AK8: variants seen among roughly 807,000 people sequenced by gnomAD.
AK8 encodes the protein adenylate kinase 8.
Under a neutral mutation model 54.6 loss-of-function variants are expected in AK8, and 44 were observed. The observed-to-expected ratio is 0.81, with a 90% CI of 0.63 to 1.04. The LOEUF (loss-of-function observed/expected upper bound fraction) is 1.04, where lower values mean the gene tolerates loss of function less well. Among genes scored for constraint, AK8 ranks in the 50% least tolerant of loss-of-function variants. The pLI is 0.00. For missense variants in AK8, 555 were observed against 613.6 expected (o/e 0.90, Z 1.01); for synonymous variants, 239 against 245.6 (o/e 0.97, Z 0.25).
At chr9:132,862,299 G>A (rs1248390703) in intron 4 of AK8, among the ~76,000 whole-genome samples, 1 of 151,732 alleles carries the variant, frequency 6.6e-6, no homozygotes, top group Non-Finnish European at 1.5e-5. Flanking sequence ...TGGGGCTGGG[G>A]GTCTGTCGAA....
At chr9:132,828,609 G>C in intron 6 of AK8, 36 bp downstream of exon 6, 1 of 1,587,796 alleles carries the variant, frequency 6.3e-7, no homozygotes, top group Non-Finnish European at 8.6e-7. Context: ...TGGGGCTGCA[G>C]CTCTGGCAGG....
intron 11 of AK8, among the ~76,000 whole-genome samples, chr9:132,751,434 C>T (rs76535549): frequency 0.016 from 2,308 of 144,784 alleles, 56 homozygotes; most frequent in Middle Eastern, 0.064. Flanking sequence ...TAGTTGTCTG[C>T]GAATTAAGTC....
rs1554802669 is a variant in AK8, at chr9:132,846,511, GA to G, written c.402+8345del. The stretch of plus-strand genomic sequence containing the variant: ...TTGTTGCATGAGAGAATAGATGAAT[GA>G]ATGAATGAATGAATGAATGAATGAA... On this transcript the variant is annotated intron_variant, in intron 5 of 12. Coordinates refer to ENST00000298545, the MANE Select transcript of AK8 (RefSeq NM_152572.3). Among the ~76,000 whole-genome samples, 6 of 8,782 alleles carry G rather than the reference GA, an allele frequency of 6.8e-4. No individual in the cohort carries two copies. In the East Asian group the frequency reaches 0.012, roughly 17 times the overall value. The allele number at this position is 8,782 out of a possible 152,430, so 5.8% of individuals were successfully genotyped here. A position where few individuals can be genotyped will look rare whatever the true frequency, so the allele number is the denominator to read the frequency against.
At chr9:132,793,979 C>G in intron 10 of AK8, among the ~76,000 whole-genome samples, 1 of 152,136 alleles carries the variant, frequency 6.6e-6, no homozygotes, top group South Asian at 2.1e-4. Flanking sequence ...ACAGGGCCCC[C>G]CAGGCTGACA....
At chr9:132,866,633 G>A (rs1366483769) in intron 3 of AK8, among the ~76,000 whole-genome samples, 2 of 152,140 alleles carry the variant, frequency 1.3e-5, no homozygotes, top group Non-Finnish European at 2.9e-5. Flanking sequence ...CAAGGAGAGC[G>A]TGTATGCAGG....
At chr9:132,827,346 T>C in intron 7 of AK8, 1 of 475,768 alleles carries the variant, frequency 2.1e-6, no homozygotes, top group East Asian at 3.7e-5. Context: ...CAGACTCCCA[T>C]TTCATCTTCA....
intron 11 of AK8, among the ~76,000 whole-genome samples, chr9:132,756,588 CGAAGTGCGAACA>C (rs904763686): frequency 4.8e-4 from 73 of 152,276 alleles, no homozygotes; most frequent in African/African-American, 1.7e-3. Context: ...GGCCACACTC[CGAAGTGCGAACA>C]GAATCTGAAG....
At chr9:132,822,730 C>T (rs912346295) in intron 9 of AK8, among the ~76,000 whole-genome samples, 2 of 152,022 alleles carry the variant, frequency 1.3e-5, no homozygotes, top group African/African-American at 4.8e-5. Flanking sequence ...TGAAACTGTG[C>T]GGAGTGAGAA....
At chr9:132,743,806 G>A (rs1328615048) in intron 11 of AK8, among the ~76,000 whole-genome samples, 15 of 152,120 alleles carry the variant, frequency 9.9e-5, no homozygotes, top group South Asian at 2.1e-4. Flanking sequence ...TACTGTGATC[G>A]TGCCCATTTC....
At position 132,734,502 on chromosome 9, in the gene AK8, G is replaced by T. The variant is rs80040903; in HGVS notation, c.1122-6968C>A. On this transcript the variant is annotated intron_variant, in intron 11 of 12. Coordinates refer to ENST00000298545, the MANE Select transcript of AK8 (RefSeq NM_152572.3). ...TGTAACCCCAGCACTGTGGAAGGCT[G>T]ACACAGGAGCATCGCTTGAGCTCAG... 6.3e-3 allele frequency among the ~76,000 whole-genome samples: 964 copies of T among 152,268 alleles called. 13 individuals carry two copies. The highest frequency in any genetic ancestry group is 0.022 in the African/African-American group (906 of 41,540).
At chr9:132,787,577 A>G (rs1588130544) in intron 11 of AK8, among the ~76,000 whole-genome samples, 1 of 152,330 alleles carries the variant, frequency 6.6e-6, no homozygotes, top group Non-Finnish European at 1.5e-5. Context: ...TTTACCTCCC[A>G]TACACTGTTT....
intron 5 of AK8, among the ~76,000 whole-genome samples, chr9:132,829,803 G>A (rs530865212): frequency 6.6e-6 from 1 of 152,150 alleles, no homozygotes; most frequent in East Asian, 1.9e-4. Context: ...CAATCCTCCT[G>A]CCTCAGCCTC....
At chr9:132,761,049 T>C (rs1035788917) in intron 11 of AK8, among the ~76,000 whole-genome samples, 1 of 152,128 alleles carries the variant, frequency 6.6e-6, no homozygotes, top group Non-Finnish European at 1.5e-5. Context: ...TCTTATGAAA[T>C]GTATTGTGAT....
intron 11 of AK8, among the ~76,000 whole-genome samples, chr9:132,738,485 C>T (rs926730411): frequency 3.9e-5 from 6 of 152,188 alleles, no homozygotes; most frequent in African/African-American, 1.2e-4. Flanking sequence ...ACAATTTGAT[C>T]ACAATAAATA....
intron 5 of AK8, among the ~76,000 whole-genome samples, chr9:132,845,914 G>A (rs1222485180): frequency 6.6e-6 from 1 of 151,536 alleles, no homozygotes; most frequent in Admixed American, 6.6e-5. Flanking sequence ...TAAAAATCAC[G>A]GAAACAAATC....
chr9:132,813,713 C>T (rs1446900508), intron 10 of AK8, among the ~76,000 whole-genome samples: 1 of 152,220 alleles, frequency 6.6e-6, no homozygotes, highest in Non-Finnish European at 1.5e-5. Context: ...TTCTCTGAGG[C>T]TCCTTCGTGG....
chr9:132,856,758 C>A lies in AK8; in HGVS notation c.334-1833G>T, dbSNP rs532862201. Among the ~76,000 whole-genome samples, 10 of 152,274 alleles carry A rather than the reference C, an allele frequency of 6.6e-5. No individual in the cohort carries two copies. In the East Asian group the frequency reaches 1.5e-3, roughly 24 times the overall value. On this transcript the variant is annotated intron_variant, in intron 4 of 12. Transcript: ENST00000298545. ...AATGTAAGAGCGGGAGCTGCGGCAG[C>A]CACTTCGTGGGCATGACGGGTGTGG...
intron 5 of AK8, among the ~76,000 whole-genome samples, chr9:132,841,503 C>T (rs1842545685): frequency 6.6e-6 from 1 of 152,164 alleles, no homozygotes; most frequent in South Asian, 2.1e-4. Context: ...TTCCAAATGT[C>T]TGGTGCTGGT....
Position 132,823,274 on chromosome 9 carries a change from G to A in AK8, c.820C>T (p.Leu274Phe). 1 of 1,612,762 alleles carries A rather than the reference G, an allele frequency of 6.2e-7. No homozygotes were observed. ...CTTTTCCCACTGCCCACAGGCCCGAGCAGCAGCACCCTCGGGGTGAACGGG... is the reference window on the plus strand; with the variant it reads ...CTTTTCCCACTGCCCACAGGCCCGAACAGCAGCACCCTCGGGGTGAACGGG... ...NAPFTPRVLL[L>F]GPVGSGKSLQ... Residue 274 changes from leucine (L) to phenylalanine (F), a missense_variant, in exon 9 of 13, where the codon CTC (leucine) becomes TTC (phenylalanine). Transcript: ENST00000298545.
Sources: gnomAD v4.1 joint callset for allele counts (sites outside exome capture counted in the v4.1 genomes callset) on GRCh38, gnomAD v4.1.1 for gene constraint, MANE v1.5 for transcripts, NCBI Gene and HGNC (gene_info 2026-07-23, HGNC 2026-07-21) for gene names.